The following MGRN1 variants were observed in gnomAD, a reference collection of about 807,000 sequenced individuals.
MGRN1 encodes mahogunin ring finger 1.
MGRN1 carries 29 observed loss-of-function variants against 69.2 expected under a neutral mutation model. The ratio of observed to expected loss-of-function variants is 0.42; its 90% CI spans 0.31 to 0.57. The LOEUF is 0.57. Among genes scored for constraint, MGRN1 ranks in the 20% least tolerant of loss-of-function variants. The probability of loss-of-function intolerance (pLI) is 0.15; values close to 1 mark genes in which losing one functional copy is unlikely to be tolerated. For synonymous variants in MGRN1, 470 were observed against 344.2 expected (o/e 1.37, Z -4.04); for missense variants, 998 against 796.2 (o/e 1.25, Z -3.05).
intron 12 of MGRN1, chr16:4,680,627 G>A (rs994591849): frequency 6.4e-6 from 1 of 156,400 alleles, no homozygotes; most frequent in African/African-American, 2.4e-5. Context: ...TGGTGTAGAA[G>A]GTGGAGGCCA....
At chr16:4,663,374 T>TTG (rs1193111864) in intron 5 of MGRN1, among the ~76,000 whole-genome samples, 1 of 131,252 alleles carries the variant, frequency 7.6e-6, no homozygotes, top group Non-Finnish European at 1.7e-5. Context: ...TGTTTTTTTT[T>TTG]TTTTTTTTTT....
chr16:4,630,270 G>A (rs1897931040), intron 1 of MGRN1, among the ~76,000 whole-genome samples: 1 of 150,466 alleles, frequency 6.6e-6, no homozygotes, highest in South Asian at 2.1e-4. Context: ...AAGAATCGCT[G>A]GAACCCGGAG....
At chr16:4,683,051 G>C in intron 14 of MGRN1, 105 bp downstream of exon 14, 1 of 1,472,796 alleles carries the variant, frequency 6.8e-7, no homozygotes, top group Non-Finnish European at 9.1e-7. Context: ...GGGCGCCCCC[G>C]TGCTTGTTGG....
Position 4,642,007 on chromosome 16 carries a change from A to T in MGRN1, c.89-8358A>T, listed in dbSNP as rs145306589. 5.0e-3 allele frequency among the ~76,000 whole-genome samples: 755 copies of T among 152,022 alleles called. 4 individuals are homozygous for T. Among genetic ancestry groups the T allele is most frequent in the Non-Finnish European group, 8.6e-3 (588 of 67,982 alleles). ...CTTCCCAGTTGGTCTCGTCTCCTGC[A>T]GGTGTGAGTTGTTGATTGTCTGCGC... On this transcript the variant is annotated intron_variant, in intron 1 of 16. Coordinates refer to ENST00000262370, the MANE Select transcript of MGRN1 (RefSeq NM_015246.4).
chr16:4,672,873 T>A (rs879927324), intron 9 of MGRN1, among the ~76,000 whole-genome samples: 2 of 152,244 alleles, frequency 1.3e-5, no homozygotes, highest in Admixed American at 1.3e-4. Context: ...AGTCTTGCTC[T>A]GTTGCCCAGG....
chr16:4,637,563 C>T (rs1210665306), intron 1 of MGRN1, among the ~76,000 whole-genome samples: 1 of 152,170 alleles, frequency 6.6e-6, no homozygotes, highest in Non-Finnish European at 1.5e-5. Context: ...GAAGCTAGCC[C>T]AGGCAAGAAA....
At position 4,682,326 on chromosome 16, in the gene MGRN1, C is replaced by T. The variant is rs140828237; in HGVS notation, c.1359-497C>T. On this transcript the variant is annotated intron_variant, in intron 13 of 16. Coordinates refer to ENST00000262370, the MANE Select transcript of MGRN1 (RefSeq NM_015246.4). ...AGGGCCTGGCTCCTGGGGTTGGCCA[C>T]GGGTCATTCGTGGTTCCCCTGGAGC... Among the ~76,000 whole-genome samples, 721 of 152,346 alleles carry T rather than the reference C, an allele frequency of 4.7e-3. 4 individuals carry two copies. Among genetic ancestry groups the T allele is most frequent in the African/African-American group, 0.017 (692 of 41,578 alleles).
chr16:4,687,853 A>G (rs954539666), intron 16 of MGRN1: 11 of 985,422 alleles, frequency 1.1e-5, no homozygotes, highest in Non-Finnish European at 1.3e-5. Context: ...CTGCATTCCC[A>G]TGAACCTCTG....
In MGRN1 at chr16:4,650,465, G is replaced by C; in HGVS notation, c.189G>C (p.Leu63=). 6.2e-7 allele frequency: 1 copy of C among 1,613,656 alleles called. No individual in the cohort carries two copies. The highest frequency in any genetic ancestry group is 8.5e-7 in the Non-Finnish European group (1 of 1,179,828). The change falls in exon 2 of 17, where the codon CTG becomes CTC. Residue 63 remains leucine, a synonymous_variant. Transcript: ENST00000262370. ...LFGENMDLNF[L]GSRPVQFPYV... ...GAGAGAACATGGATCTGAACTTCCT[G>C]GGCAGCCGCCCGGTCCAGGTGGGTC... is the stretch of plus-strand genomic sequence containing the variant.
At chr16:4,661,957 G>C (rs1442159900) in intron 5 of MGRN1, among the ~76,000 whole-genome samples, 1 of 152,216 alleles carries the variant, frequency 6.6e-6, no homozygotes, top group Admixed American at 6.5e-5. Flanking sequence ...TGTGCCAGGT[G>C]CCTGTGGGTA....
chr16:4,671,531 C>A, intron 9 of MGRN1, 72 bp downstream of exon 9: 1 of 1,423,080 alleles, frequency 7.0e-7, no homozygotes, highest in Non-Finnish European at 9.9e-7. Context: ...GACAGCAATG[C>A]TTGCCGGTTC....
At position 4,681,565 on chromosome 16, in the gene MGRN1, C is replaced by G; in HGVS notation, c.1147C>G (p.Pro383Ala). 7 of 1,612,916 alleles carry G rather than the reference C, an allele frequency of 4.3e-6. No homozygotes were observed. In the Admixed American group the frequency reaches 6.7e-5, roughly 15 times the overall value. ...GTCCCTACAGAACTCTGACAGCGTC[C>G]CACCTGGCTACGAGCCCATCTCGCT... ...PKRETNSDSV[P>A]PGYEPISLLE... The change falls in exon 13 of 17, where the codon CCA becomes GCA. Residue 383 changes from proline (P) to alanine (A), a missense_variant. Coordinates refer to ENST00000262370, the MANE Select transcript of MGRN1 (RefSeq NM_015246.4).
Position 4,688,908 on chromosome 16 carries a change from A to G in MGRN1, c.1731A>G (p.Ter577TrpextTer47). The G allele has an allele frequency of 6.5e-7, 1 of 1,540,670 alleles. No homozygotes were observed. Among genetic ancestry groups the G allele is most frequent in the Non-Finnish European group, 8.8e-7 (1 of 1,139,232 alleles). ...GCGCCGCCGAGCTGACCCCACTCTGAGAGCCTGGCCGAGCTGGCAGCATGG... is the reference window on the plus strand; with the variant it reads ...GCGCCGCCGAGCTGACCCCACTCTGGGAGCCTGGCCGAGCTGGCAGCATGG... Reference protein sequence around the residue: ...DPSAAELTPL* With the variant: ...DPSAAELTPLW Residue 577 changes from the stop codon to tryptophan (W), a stop_lost, in exon 17 of 17, where the codon TGA becomes TGG. Transcript: ENST00000262370.
intron 1 of MGRN1, among the ~76,000 whole-genome samples, chr16:4,625,921 C>T (rs911925997): frequency 5.9e-5 from 9 of 152,206 alleles, no homozygotes; most frequent in African/African-American, 2.2e-4. Flanking sequence ...ATCCTGGCGT[C>T]TCATCTGATC....
rs912000315 is a variant in MGRN1, at chr16:4,677,571, C to T, written c.1064C>T (p.Ser355Phe). ...CAGAGCCTGGAGCATGATGAGCACT[C>T]TGTAAGTGCCGCCTCCTGCCTGCGG... ...LAQSLEHDEHSCPFKKSKPHP... is the reference protein window; with the variant it reads ...LAQSLEHDEHFCPFKKSKPHP... The change falls in exon 11 of 17, where the codon TCT (serine) becomes TTT (phenylalanine). Residue 355 changes from serine (S) to phenylalanine (F), a missense_variant and splice_region_variant. By Grantham distance (155) the Ser-to-Phe change is radical. Transcript: ENST00000262370. The T allele has an allele frequency of 6.3e-7, 1 of 1,599,236 alleles. No individual in the cohort carries two copies. The highest frequency in any genetic ancestry group is 1.3e-5 in the African/African-American group (1 of 74,870).
chr16:4,632,956 A>G (rs1168705870), intron 1 of MGRN1, among the ~76,000 whole-genome samples: 2 of 152,096 alleles, frequency 1.3e-5, no homozygotes, highest in Non-Finnish European at 2.9e-5. Context: ...GGTGGCGTCC[A>G]CCTTTAGTCC....
At chr16:4,654,305 G>A (rs534277637) in intron 4 of MGRN1, among the ~76,000 whole-genome samples, 2 of 152,198 alleles carry the variant, frequency 1.3e-5, no homozygotes, top group African/African-American at 2.4e-5. Context: ...AATGACAAGG[G>A]TTTTAGAGGA....
chr16:4,628,918 C>T (rs1377743109), intron 1 of MGRN1, among the ~76,000 whole-genome samples: 1 of 152,042 alleles, frequency 6.6e-6, no homozygotes, highest in Non-Finnish European at 1.5e-5. Flanking sequence ...CTTACTGCAA[C>T]CTCTGCCTCC....
At chr16:4,674,169 A>C (rs1169640351) in intron 10 of MGRN1, among the ~76,000 whole-genome samples, 1 of 152,142 alleles carries the variant, frequency 6.6e-6, no homozygotes, top group Non-Finnish European at 1.5e-5. Context: ...CTTTTATTAG[A>C]GATGGGGTTT....
Sources: allele counts gnomAD v4.1 joint callset (sites outside exome capture counted in the v4.1 genomes callset), GRCh38; gene constraint gnomAD v4.1.1; transcripts MANE v1.5; gene names NCBI Gene and HGNC (gene_info 2026-07-23, HGNC 2026-07-21).